NCAM2: variants seen among roughly 807,000 people sequenced by gnomAD.
NCAM2 encodes the protein N-CAM-2.
A neutral mutation model predicts 98.1 loss-of-function variants in NCAM2; 30 were observed. The ratio of observed to expected loss-of-function variants is 0.31; its 90% CI spans 0.23 to 0.41. The LOEUF (loss-of-function observed/expected upper bound fraction) is 0.41. Ranked by LOEUF, NCAM2 falls within the 10% of genes least tolerant of loss-of-function variation. The pLI is 1.00. For missense variants in NCAM2, 867 were observed against 1,005.8 expected (o/e 0.86, Z 1.87); for synonymous variants, 368 against 342.4 (o/e 1.07, Z -0.83).
chr21:21,172,753 G>GA, intron 1 of NCAM2, among the ~76,000 whole-genome samples: 1 of 152,164 alleles, frequency 6.6e-6, no homozygotes, highest in Admixed American at 6.5e-5. Flanking sequence ...ATATCTAACT[G>GA]AAAATTGGAC....
chr21:21,451,090 G>A (rs1256433484), intron 12 of NCAM2, among the ~76,000 whole-genome samples: 1 of 152,006 alleles, frequency 6.6e-6, no homozygotes, highest in African/African-American at 2.4e-5. Context: ...TATTTTGCCA[G>A]CTGCTCACTT....
intron 1 of NCAM2, among the ~76,000 whole-genome samples, chr21:21,170,973 A>C (rs2068105505): frequency 1.3e-5 from 2 of 152,232 alleles, no homozygotes; most frequent in South Asian, 4.1e-4. Context: ...ACGAGTTGTG[A>C]ACTTCTGCCT....
intron 11 of NCAM2, among the ~76,000 whole-genome samples, chr21:21,423,064 A>C (rs903194823): frequency 5.9e-5 from 9 of 151,858 alleles, no homozygotes; most frequent in African/African-American, 1.7e-4. Flanking sequence ...TAAATTTCTT[A>C]ATTTGTTTCA....
chr21:21,267,740 T>G (rs1402239678), intron 1 of NCAM2, among the ~76,000 whole-genome samples: 1 of 152,162 alleles, frequency 6.6e-6, no homozygotes, highest in African/African-American at 2.4e-5. Flanking sequence ...CATTTAACAT[T>G]TACTGATTAT....
chr21:21,075,152 A>G (rs2065653870), intron 1 of NCAM2, among the ~76,000 whole-genome samples: 1 of 152,154 alleles, frequency 6.6e-6, no homozygotes, highest in African/African-American at 2.4e-5. Context: ...ATACATGGAC[A>G]CAGGGAGGGG....
intron 1 of NCAM2, among the ~76,000 whole-genome samples, chr21:21,180,303 C>A (rs911502011): frequency 1.3e-5 from 2 of 152,068 alleles, no homozygotes; most frequent in Admixed American, 1.3e-4. Flanking sequence ...GTGATAAATT[C>A]TATTTAGATA....
At chr21:21,266,510 G>A (rs1040998208) in intron 1 of NCAM2, among the ~76,000 whole-genome samples, 91 of 152,182 alleles carry the variant, frequency 6.0e-4, no homozygotes, top group Non-Finnish European at 1.1e-3. Flanking sequence ...AGAAAATGTG[G>A]CACATATACA....
chr21:21,095,873 C>T (rs1601352662), intron 1 of NCAM2, among the ~76,000 whole-genome samples: 1 of 151,566 alleles, frequency 6.6e-6, no homozygotes, highest in Non-Finnish European at 1.5e-5. Flanking sequence ...TAGCCCAGTA[C>T]CTGATGCAGA....
At chr21:21,139,239 G>A (rs927705551) in intron 1 of NCAM2, among the ~76,000 whole-genome samples, 49 of 152,346 alleles carry the variant, frequency 3.2e-4, no homozygotes, top group African/African-American at 1.1e-3. Flanking sequence ...AAGGCTTGGC[G>A]AAGGCCACCA....
intron 2 of NCAM2, among the ~76,000 whole-genome samples, chr21:21,281,386 A>G (rs2072924170): frequency 6.6e-6 from 1 of 152,158 alleles, no homozygotes; most frequent in Admixed American, 6.5e-5. Context: ...TGAAAATATT[A>G]GGCCAAAAAT....
rs550274960 is a variant in NCAM2, at chr21:21,072,725, C to T, written c.55+74107C>T. ...TAACTTGCCTAAAATTTACTGCTGCCCTATTTATTTTAGTATTCTGACTTC... is the reference window on the plus strand; with the variant it reads ...TAACTTGCCTAAAATTTACTGCTGCTCTATTTATTTTAGTATTCTGACTTC... On this transcript the variant is annotated intron_variant, in intron 1 of 17. Coordinates refer to ENST00000400546, the MANE Select transcript of NCAM2 (RefSeq NM_004540.5). Among the ~76,000 whole-genome samples the T allele has an allele frequency of 1.7e-3, 261 of 151,808 alleles. 2 individuals carry two copies. The highest frequency in any genetic ancestry group is 6.8e-3 in the Middle Eastern group (2 of 294).
chr21:21,338,695 A>G (rs2074946011), intron 8 of NCAM2, among the ~76,000 whole-genome samples, 161 bp downstream of exon 8: 1 of 152,154 alleles, frequency 6.6e-6, no homozygotes, highest in South Asian at 2.1e-4. Context: ...CGGCTTTACC[A>G]CTTTCGTGGG....
chr21:21,095,437 T>C (rs942957885), intron 1 of NCAM2, among the ~76,000 whole-genome samples: 1 of 151,556 alleles, frequency 6.6e-6, no homozygotes, highest in African/African-American at 2.4e-5. Flanking sequence ...TGTCTATCTA[T>C]CTAGCTAGCT....
intron 8 of NCAM2, among the ~76,000 whole-genome samples, chr21:21,346,229 A>G (rs2075184973): frequency 6.7e-6 from 1 of 148,828 alleles, no homozygotes; most frequent in South Asian, 2.1e-4. Flanking sequence ...AAAAAACAGG[A>G]GTCACTATAC....
rs573037598 is a variant in NCAM2 at position 21,422,671 on chromosome 21, T to G, written c.1480+4102T>G. ...ATATGAAATATTTCACATATGTGCTTGATAATTTTGTTTTCTTAACTTTTA... is the reference window on the plus strand; with the variant it reads ...ATATGAAATATTTCACATATGTGCTGGATAATTTTGTTTTCTTAACTTTTA... On this transcript the variant is annotated intron_variant, in intron 11 of 17. Transcript: ENST00000400546. 6.6e-5 allele frequency among the ~76,000 whole-genome samples: 10 copies of G among 152,300 alleles called. No homozygotes were observed. In the South Asian group the frequency reaches 2.1e-3, roughly 32 times the overall value.
intron 12 of NCAM2, among the ~76,000 whole-genome samples, chr21:21,465,453 C>CT (rs1983555396): frequency 6.6e-6 from 1 of 151,394 alleles, no homozygotes; most frequent in Non-Finnish European, 1.5e-5. Context: ...ATACCATGAT[C>CT]ATAAATATTG....
intron 12 of NCAM2, among the ~76,000 whole-genome samples, chr21:21,461,084 C>T (rs577299863): frequency 4.6e-5 from 7 of 151,816 alleles, no homozygotes; most frequent in African/African-American, 7.2e-5. Context: ...TAAAAATCTA[C>T]GCATTTAGAC....
chr21:21,237,160 T>C (rs2070864854), intron 1 of NCAM2, among the ~76,000 whole-genome samples: 1 of 152,144 alleles, frequency 6.6e-6, no homozygotes, highest in African/African-American at 2.4e-5. Context: ...AATACAAATA[T>C]AATCGGCATG....
At chr21:21,225,311 C>T (rs2147153604) in intron 1 of NCAM2, among the ~76,000 whole-genome samples, 1 of 152,036 alleles carries the variant, frequency 6.6e-6, no homozygotes, top group Middle Eastern at 3.4e-3. Flanking sequence ...GGACTTAATA[C>T]TTAGGTAATG....
Sources: allele counts gnomAD v4.1 joint callset (sites outside exome capture counted in the v4.1 genomes callset), GRCh38; gene constraint gnomAD v4.1.1; transcripts MANE v1.5; gene names NCBI Gene and HGNC (gene_info 2026-07-23, HGNC 2026-07-21).